Variants in PHLDB1 observed in about 807,000 individuals in gnomAD.
The protein encoded by PHLDB1 is pleckstrin homology like domain family B member 1, also known as pleckstrin homology-like domain family B member 1.
PHLDB1 carries 65 observed loss-of-function variants against 139.3 expected under a neutral mutation model. The ratio of observed to expected loss-of-function variants is 0.47; its 90% CI spans 0.38 to 0.57. The LOEUF (loss-of-function observed/expected upper bound fraction) is 0.57, where lower values mean the gene tolerates loss of function less well. Among genes scored for constraint, PHLDB1 ranks in the 20% least tolerant of loss-of-function variants. PHLDB1 has a pLI of 0.00. For missense variants in PHLDB1, 1,624 were observed against 1,839.7 expected, an observed-to-expected ratio of 0.88 and a Z score of 2.14; for synonymous variants, 679 against 734.5, an observed-to-expected ratio of 0.92 and a Z score of 1.22.
At chr11:118,649,506 T>A (rs527398906) in intron 18 of PHLDB1, among the ~76,000 whole-genome samples, 1 of 152,290 alleles carries the variant, frequency 6.6e-6, no homozygotes, top group East Asian at 1.9e-4. Context: ...TGTTTTTTTC[T>A]TTAAATAATA....
intron 1 of PHLDB1, among the ~76,000 whole-genome samples, chr11:118,609,682 G>T (rs1555082053): frequency 6.6e-6 from 1 of 152,232 alleles, no homozygotes; most frequent in Non-Finnish European, 1.5e-5. Flanking sequence ...CAAACAAGCG[G>T]CTCCTTCTCT....
chr11:118,610,587 C>T lies in PHLDB1; in HGVS notation c.-22+2888C>T. The T allele has an allele frequency of 1.7e-6, 1 of 572,462 alleles. No individual in the cohort carries two copies. Among genetic ancestry groups the T allele is most frequent in the Non-Finnish European group, 2.2e-6 (1 of 452,198 alleles). 35.5% of individuals were successfully genotyped at this position (572,462 alleles called of 1,614,324 possible). ...CCCGAGCAGTGGCCCCGCGAAGGGC[C>T]GGGTCTGGTGCTCTGGGGCTGGCTT... On this transcript the variant is annotated intron_variant, in intron 1 of 22. Transcript: ENST00000600882. The surrounding 1 kb of genome is among the most constrained non-coding windows in gnomAD (Gnocchi z 8.7).
intron 1 of PHLDB1, chr11:118,613,597 A>G (rs1940947892): frequency 1.6e-6 from 1 of 632,928 alleles, no homozygotes; most frequent in Non-Finnish European, 2.5e-6. Context: ...GGCAGGGGGC[A>G]GGACTGGTAT....
At chr11:118,654,619 A>G (rs1424066047) in intron 20 of PHLDB1, 4 of 151,508 alleles carry the variant, frequency 2.6e-5, no homozygotes, top group East Asian at 1.9e-4. Flanking sequence ...AGATCATTTT[A>G]TATCAAATTT....
chr11:118,655,862 G>C lies in PHLDB1; in HGVS notation c.3963G>C (p.Lys1321Asn). 1.9e-6 allele frequency: 3 copies of C among 1,612,714 alleles called. No individual in the cohort carries two copies. The highest frequency in any genetic ancestry group is 2.5e-6 in the Non-Finnish European group (3 of 1,178,714). The change falls in exon 22 of 23, where the codon AAG becomes AAC. Residue 1321 changes from lysine (K) to asparagine (N), a missense_variant and splice_region_variant. By Grantham distance (94) the Lys-to-Asn change is moderately conservative. Transcript: ENST00000600882. ...CTTTCTCCCTCTCCCCTTCCCAGAA[G>C]AGGTTTTTCCGCTTCACTATGGTGA... The part of the protein sequence containing the change: ...YYDHLRSAAK[K>N]RFFRFTMVTE...
Position 118,638,933 on chromosome 11 carries a change from G to C in PHLDB1, c.2578G>C (p.Ala860Pro). ...ILDSQAGQIR[A>P]QAVQESERLA... Reference sequence around the variant, plus strand: ...GGACAGTCAGGCTGGGCAGATCCGGGCTCAGGCCGTGCAGGAATCAGAACG... The same window carrying C: ...GGACAGTCAGGCTGGGCAGATCCGGCCTCAGGCCGTGCAGGAATCAGAACG... The change falls in exon 11 of 23, where the codon GCT (alanine) becomes CCT (proline). Residue 860 changes from alanine (A) to proline (P), a missense_variant. Coordinates refer to ENST00000600882, the MANE Select transcript of PHLDB1 (RefSeq NM_001144758.3). 6.2e-7 allele frequency: 1 copy of C among 1,613,542 alleles called. No individual in the cohort carries two copies. The highest frequency in any genetic ancestry group is 8.5e-7 in the Non-Finnish European group (1 of 1,179,748).
chr11:118,613,313 C>T (rs1555085585), intron 1 of PHLDB1: 1 of 985,744 alleles, frequency 1.0e-6, no homozygotes, highest in East Asian at 1.1e-4. Flanking sequence ...TACTAAAGCC[C>T]TGGGAAAAGA....
chr11:118,609,855 G>C (rs1304587260), intron 1 of PHLDB1, among the ~76,000 whole-genome samples: 1 of 152,130 alleles, frequency 6.6e-6, no homozygotes, highest in Non-Finnish European at 1.5e-5. Flanking sequence ...TCGGCCCTGC[G>C]GACCGCGGAG....
intron 5 of PHLDB1, among the ~76,000 whole-genome samples, chr11:118,626,686 T>A (rs12419204): frequency 0.32 from 47,780 of 149,306 alleles, 7,846 homozygotes; most frequent in Admixed American, 0.43. Context: ...CCTGGCCTCT[T>A]TTTTTTTTGA....
At chr11:118,616,678 G>C (rs1258809775) in intron 4 of PHLDB1, among the ~76,000 whole-genome samples, 1 of 152,224 alleles carries the variant, frequency 6.6e-6, no homozygotes, top group Non-Finnish European at 1.5e-5. Context: ...TTACAAGACT[G>C]CTGACAGTAA....
In PHLDB1 at chr11:118,632,629, T is replaced by C. The variant is rs970486876; in HGVS notation, c.2379+333T>C. On this transcript the variant is annotated intron_variant, in intron 9 of 22. Coordinates refer to ENST00000600882, the MANE Select transcript of PHLDB1 (RefSeq NM_001144758.3). The surrounding 1 kb of genome is among the most constrained non-coding windows in gnomAD (Gnocchi z 5.9). Reference sequence around the variant, plus strand: ...TGAGCACAGCCCAAGGGACTGACATTGGGGAGTGATTCAAGTTCGGGTCCC... The same window carrying C: ...TGAGCACAGCCCAAGGGACTGACATCGGGGAGTGATTCAAGTTCGGGTCCC... The C allele has an allele frequency of 3.6e-6, 1 of 275,200 alleles. No homozygotes were observed. The highest frequency in any genetic ancestry group is 7.9e-5 in the South Asian group (1 of 12,668). The allele number at this position is 275,200 out of a possible 1,614,324, so 17.0% of individuals were successfully genotyped here.
chr11:118,635,100 A>C, intron 9 of PHLDB1: 12 of 521,490 alleles, frequency 2.3e-5, no homozygotes, highest in East Asian at 1.2e-4. Flanking sequence ...CACGCCCCAG[A>C]AGGAAGAGAG....
chr11:118,649,826 C>T (rs1424528960), intron 18 of PHLDB1, among the ~76,000 whole-genome samples: 1 of 152,170 alleles, frequency 6.6e-6, no homozygotes, highest in East Asian at 1.9e-4. Context: ...GACAAAGATG[C>T]CGTGTCTTGG....
chr11:118,609,391 A>G (rs1939729861), intron 1 of PHLDB1, among the ~76,000 whole-genome samples: 1 of 138,996 alleles, frequency 7.2e-6, no homozygotes, highest in Admixed American at 7.1e-5. Context: ...CTCAATACAC[A>G]GCCCAGCTGA....
At chr11:118,635,610 C>T in intron 10 of PHLDB1, 62 bp downstream of exon 10, 1 of 1,372,508 alleles carries the variant, frequency 7.3e-7, no homozygotes, top group Admixed American at 3.3e-5. Flanking sequence ...GTTTGAATCC[C>T]AATGACCTCA....
rs190902155 is a variant in PHLDB1 at position 118,621,732 on chromosome 11, G to C, written c.356-3202G>C. Among the ~76,000 whole-genome samples, 344 of 152,276 alleles carry C rather than the reference G, an allele frequency of 2.3e-3. 2 individuals are homozygous for C. Among genetic ancestry groups the C allele is most frequent in the Non-Finnish European group, 3.5e-3 (237 of 68,004 alleles). On this transcript the variant is annotated intron_variant, in intron 4 of 22. Transcript: ENST00000600882. Reference sequence around the variant, plus strand: ...ATTTCTAAATGGGGATTCTGGGCTTGGGGGCACTTCTCAGCCGGTAGACCT... The same window carrying C: ...ATTTCTAAATGGGGATTCTGGGCTTCGGGGCACTTCTCAGCCGGTAGACCT...
chr11:118,636,405 T>G (rs578199997), intron 10 of PHLDB1, among the ~76,000 whole-genome samples: 1 of 152,118 alleles, frequency 6.6e-6, no homozygotes, highest in African/African-American at 2.4e-5. Context: ...TGCTGGACTT[T>G]CCTTGAGTCC....
chr11:118,616,207 T>C lies in PHLDB1; in HGVS notation c.351T>C (p.Thr117=). 2 of 1,613,730 alleles carry C rather than the reference T, an allele frequency of 1.2e-6. No homozygotes were observed. Among genetic ancestry groups the C allele is most frequent in the Non-Finnish European group, 1.7e-6 (2 of 1,179,862 alleles). ...CTGTCCGGCAGCCTACCCGGCTCAC[T>C]CAGGGTAAGGCTGGACACCTCCAGA... The part of the protein sequence containing the change: ...GLPVRQPTRL[T]QGCMLCLGQS... The change falls in exon 4 of 23, where the codon ACT becomes ACC. Residue 117 remains threonine (T), a synonymous_variant. Transcript: ENST00000600882.
chr11:118,649,296 GAAA>G (rs1290877998), intron 18 of PHLDB1, among the ~76,000 whole-genome samples: 2 of 151,070 alleles, frequency 1.3e-5, no homozygotes, highest in African/African-American at 4.8e-5. Flanking sequence ...AAAAAAAAAA[GAAA>G]AAAGAAGCTC....
Sources: gnomAD v4.1 joint callset for allele counts (sites outside exome capture counted in the v4.1 genomes callset) on GRCh38, gnomAD v4.1.1 for gene constraint, Gnocchi (gnomAD v3.1) non-coding constraint, MANE v1.5 for transcripts, NCBI Gene and HGNC (gene_info 2026-07-23, HGNC 2026-07-21) for gene names.